TBC1D2: variants seen among roughly 807,000 people sequenced by gnomAD.
TBC1D2 encodes TBC1 domain family member 2.
A neutral mutation model predicts 91.1 loss-of-function variants in TBC1D2; 58 were observed. The observed-to-expected ratio is 0.64, with a 90% CI of 0.52 to 0.79. The LOEUF is 0.79. TBC1D2 is among the 30% of genes least tolerant of loss of function. TBC1D2 has a pLI of 0.00. For missense variants in TBC1D2, 1,080 were observed against 1,208.3 expected (o/e 0.89, Z 1.57); for synonymous variants, 482 against 511.5 (o/e 0.94, Z 0.78).
intron 10 of TBC1D2, among the ~76,000 whole-genome samples, chr9:98,202,711 T>C (rs1828540192): frequency 6.6e-6 from 1 of 152,252 alleles, no homozygotes; most frequent in African/African-American, 2.4e-5. Context: ...AGGTTCATTA[T>C]ACTATTCCCT....
intron 6 of TBC1D2, among the ~76,000 whole-genome samples, chr9:98,215,041 C>G (rs568283212): frequency 3.3e-5 from 5 of 152,182 alleles, no homozygotes; most frequent in African/African-American, 4.8e-5. Context: ...CCCTCCTCCC[C>G]CTATCCAATC....
At chr9:98,200,404 C>T (rs768285471) in intron 11 of TBC1D2, 30 bp from the exon 12 acceptor site, 2 of 1,539,006 alleles carry the variant, frequency 1.3e-6, no homozygotes, top group East Asian at 4.7e-5. Context: ...TCAGGTAGGG[C>T]ATGGGGGGGC....
At chr9:98,243,969 GC>G (rs1197117781) in intron 3 of TBC1D2, 24 bp downstream of exon 3, 3 of 1,587,234 alleles carry the variant, frequency 1.9e-6, no homozygotes, top group Admixed American at 3.6e-5. Context: ...AGCTTGGCTA[GC>G]CCCTCAGCTC....
rs778289499 is a variant in TBC1D2, at chr9:98,255,255, G to A, written c.287C>T (p.Ser96Phe). The A allele has an allele frequency of 5.0e-6, 8 of 1,614,206 alleles. 1 individual carries two copies. The Admixed American group carries it at 5.0e-5, about 10-fold the overall frequency. The change falls in exon 1 of 13, where the codon TCC (serine) becomes TTC (phenylalanine). Residue 96 changes from serine (S) to phenylalanine (F), a missense_variant. Physicochemically the swap from Ser to Phe is radical, Grantham distance 155. Coordinates refer to ENST00000465784, the MANE Select transcript of TBC1D2 (RefSeq NM_001267571.2). ...DANPLDSIDLSSAVFDCKADA... is the reference protein window; with the variant it reads ...DANPLDSIDLFSAVFDCKADA... The stretch of plus-strand genomic sequence containing the variant: ...CGCCTTACAGTCAAACACTGCACTG[G>A]AGAGGTCGATGCTGTCCAAGGGATT...
rs778594169 is a variant in TBC1D2, at chr9:98,255,503, G to C, written c.39C>G (p.Ser13=). 108 of 1,549,262 alleles carry C rather than the reference G, an allele frequency of 7.0e-5. No individual in the cohort carries two copies. The highest frequency in any genetic ancestry group is 9.2e-5 in the Non-Finnish European group (105 of 1,146,048). ...CAGACTCTTCGGACCCAGGGGCAGA[G>C]GAGCTGGACTCCGGGGCGTTCTCCC... ...GAGENAPESS[S]SAPGSEESAR... Residue 13 remains serine (S), a synonymous_variant, in exon 1 of 13, where the codon TCC becomes TCG. Coordinates refer to ENST00000465784, the MANE Select transcript of TBC1D2 (RefSeq NM_001267571.2).
chr9:98,205,645 C>T (rs1478960716), intron 9 of TBC1D2, among the ~76,000 whole-genome samples: 2 of 152,126 alleles, frequency 1.3e-5, no homozygotes, highest in African/African-American at 4.8e-5. Context: ...CTCCTTATCA[C>T]CTCAGCCTCC....
intron 3 of TBC1D2, among the ~76,000 whole-genome samples, chr9:98,242,751 C>G (rs10760216): frequency 0.24 from 36,322 of 149,952 alleles, 4,616 homozygotes; most frequent in Non-Finnish European, 0.28. Context: ...ACTGGTGGAG[C>G]CAGGATACAA....
chr9:98,250,101 C>T (rs1039730996), intron 2 of TBC1D2, among the ~76,000 whole-genome samples: 1 of 152,102 alleles, frequency 6.6e-6, no homozygotes, highest in Non-Finnish European at 1.5e-5. Flanking sequence ...ATCCAGCTGA[C>T]AAAGTCTGAG....
chr9:98,233,369 T>G (rs1253555491), intron 4 of TBC1D2, 47 bp downstream of exon 4: 8 of 1,577,060 alleles, frequency 5.1e-6, no homozygotes, highest in Non-Finnish European at 6.9e-6. Flanking sequence ...GTGCCAGCCG[T>G]GAGGAGCTGG....
intron 6 of TBC1D2, among the ~76,000 whole-genome samples, chr9:98,219,029 A>G (rs1041228813): frequency 6.6e-6 from 1 of 152,202 alleles, no homozygotes; most frequent in Non-Finnish European, 1.5e-5. Context: ...CTGCATTTGC[A>G]TTGGAAAGGT....
At chr9:98,209,274 G>T in intron 8 of TBC1D2, 130 bp from the exon 9 acceptor site, 1 of 839,632 alleles carries the variant, frequency 1.2e-6, no homozygotes, top group Non-Finnish European at 1.9e-6. Context: ...ACAGCTCTGG[G>T]CAGGTCACTT....
chr9:98,231,206 G>A (rs1207728692), intron 4 of TBC1D2, among the ~76,000 whole-genome samples: 1 of 151,432 alleles, frequency 6.6e-6, no homozygotes, highest in Admixed American at 6.6e-5. Flanking sequence ...TGCCTCAAGG[G>A]CTGACTGGGA....
chr9:98,207,159 G>C (rs1214771449), intron 9 of TBC1D2, among the ~76,000 whole-genome samples: 3 of 152,148 alleles, frequency 2.0e-5, no homozygotes, highest in Non-Finnish European at 4.4e-5. Flanking sequence ...CCCAGGAATT[G>C]TACATACACA....
chr9:98,223,792 A>C (rs1316513726), intron 5 of TBC1D2, among the ~76,000 whole-genome samples: 2 of 152,224 alleles, frequency 1.3e-5, no homozygotes, highest in African/African-American at 4.8e-5. Context: ...AAAAGAACGG[A>C]ACCAGGGCAG....
chr9:98,252,033 G>GA (rs140182714), intron 1 of TBC1D2, 107 bp from the exon 2 acceptor site: 211,432 of 1,205,666 alleles, frequency 0.18, 5,727 homozygotes, highest in East Asian at 0.2. Context: ...TCTTTCCCAG[G>GA]AAAAAAAAAA....
intron 5 of TBC1D2, among the ~76,000 whole-genome samples, chr9:98,225,172 G>A (rs1364125190): frequency 3.3e-5 from 5 of 152,296 alleles, no homozygotes; most frequent in Non-Finnish European, 2.9e-5. Context: ...ATTCCCAGCC[G>A]CCAACAGATG....
At chr9:98,216,835 G>T (rs940717916) in intron 6 of TBC1D2, among the ~76,000 whole-genome samples, 15 of 152,138 alleles carry the variant, frequency 9.9e-5, no homozygotes, top group African/African-American at 3.4e-4. Flanking sequence ...CCCCTGAGTA[G>T]TTGGGACTAC....
intron 9 of TBC1D2, among the ~76,000 whole-genome samples, chr9:98,206,933 A>G (rs537275554): frequency 1.8e-4 from 28 of 152,268 alleles, no homozygotes; most frequent in Non-Finnish European, 1.2e-4. Context: ...CTCCCTTCAC[A>G]GCTATTCTTA....
At chr9:98,232,421 G>A (rs1187374092) in intron 4 of TBC1D2, among the ~76,000 whole-genome samples, 2 of 145,498 alleles carry the variant, frequency 1.4e-5, no homozygotes, top group Non-Finnish European at 3.0e-5. Flanking sequence ...CCTGGCTCAA[G>A]TGATCCTCCC....
Sources: allele counts gnomAD v4.1 joint callset (sites outside exome capture counted in the v4.1 genomes callset), GRCh38; gene constraint gnomAD v4.1.1; transcripts MANE v1.5; gene names NCBI Gene and HGNC (gene_info 2026-07-23, HGNC 2026-07-21).